The following ITGB2 variants were observed in gnomAD, a reference collection of about 807,000 sequenced individuals.
ITGB2 encodes integrin beta-2.
Under a neutral mutation model 86.8 loss-of-function variants are expected in ITGB2, and 56 were observed. The observed-to-expected ratio is 0.65, with a 90% CI of 0.52 to 0.81. The LOEUF (loss-of-function observed/expected upper bound fraction) is 0.81. Among genes scored for constraint, ITGB2 ranks in the 30% least tolerant of loss-of-function variants. The probability of loss-of-function intolerance (pLI) is 0.00; values close to 1 mark genes in which losing one functional copy is unlikely to be tolerated. For missense variants in ITGB2, 948 were observed against 1,061.2 expected (o/e 0.89, Z 1.48); for synonymous variants, 457 against 450.4 (o/e 1.01, Z -0.19).
rs374118227 is a variant in ITGB2 at position 44,910,388 on chromosome 21, G to A, written c.59-16C>T. Reference sequence around the variant, plus strand: ...TGAGAGAGGACTGAGGGACGAGGCCGGCTGGTGAGTGGGTGCTCTGGGCCG... The same window carrying A: ...TGAGAGAGGACTGAGGGACGAGGCCAGCTGGTGAGTGGGTGCTCTGGGCCG... On this transcript the variant is annotated splice_polypyrimidine_tract_variant and intron_variant, in intron 2 of 15. Transcript: ENST00000652462. 6.0e-5 allele frequency: 97 copies of A among 1,614,056 alleles called. No homozygotes were observed. The East Asian group carries it at 9.1e-4, about 15-fold the overall frequency.
At chr21:44,893,769 A>G in intron 9 of ITGB2, 1 of 565,018 alleles carries the variant, frequency 1.8e-6, no homozygotes. Context: ...GCATGGAGCC[A>G]GGGTGTGAGC....
upstream of ITGB2, among the ~76,000 whole-genome samples, chr21:44,922,346 T>C (rs1375127150): frequency 6.6e-6 from 1 of 152,010 alleles, no homozygotes; most frequent in Non-Finnish European, 1.5e-5. Flanking sequence ...AAAAATAGCA[T>C]GTATATACCT....
At chr21:44,918,526 G>A (rs1465910177) in intron 1 of ITGB2, among the ~76,000 whole-genome samples, 4 of 152,212 alleles carry the variant, frequency 2.6e-5, no homozygotes, top group African/African-American at 9.7e-5. Flanking sequence ...TTCACAGATG[G>A]GGAAACTGAG....
At position 44,927,452 on chromosome 21, in the gene ITGB2, G is replaced by A. The variant is rs73906948; in HGVS notation, c.-4+1202C>T. 8.3e-4 allele frequency among the ~76,000 whole-genome samples: 126 copies of A among 152,076 alleles called. 1 individual carries two copies. The highest frequency in any genetic ancestry group is 2.9e-3 in the African/African-American group (121 of 41,482). On this transcript the variant is annotated intron_variant, in intron 1 of 15. Transcript: ENST00000355153. The stretch of plus-strand genomic sequence containing the variant: ...CTTCCTGCCTGGAGAGCACCCCCAC[G>A]AGGACCCTGGGGCCACCCGGGAACC...
upstream of ITGB2, among the ~76,000 whole-genome samples, chr21:44,925,364 G>A (rs972242578): frequency 2.7e-5 from 4 of 148,142 alleles, no homozygotes; most frequent in African/African-American, 9.9e-5. Flanking sequence ...CTCCAGCCTG[G>A]GTGACAGAGT....
At chr21:44,914,442 C>T (rs1211888255) in intron 1 of ITGB2, among the ~76,000 whole-genome samples, 10 of 152,160 alleles carry the variant, frequency 6.6e-5, no homozygotes, top group African/African-American at 2.2e-4. Context: ...CCTCAGGGGC[C>T]GGGCGCCCTT....
In ITGB2 at chr21:44,910,770, G is replaced by C. The variant is rs61737078; in HGVS notation, c.13C>G (p.Arg5Gly). 4.3e-6 allele frequency: 7 copies of C among 1,613,516 alleles called. No individual in the cohort carries two copies. In the South Asian group the frequency reaches 5.5e-5, roughly 13 times the overall value. ...CCCACCAGGGCGAGCAGTGGGGGGC[G>C]CAGGCCCAGCATGTCCTGTGGAGGG... is the stretch of plus-strand genomic sequence containing the variant. The part of the protein sequence containing the change: MLGL[R>G]PPLLALVGLL... The change falls in exon 2 of 16, where the codon CGC becomes GGC. Residue 5 changes from arginine (R) to glycine (G), a missense_variant. Coordinates refer to ENST00000652462, the MANE Select transcript of ITGB2 (RefSeq NM_000211.5).
chr21:44,904,041 G>A (rs1008547261), intron 4 of ITGB2, among the ~76,000 whole-genome samples: 14 of 152,164 alleles, frequency 9.2e-5, no homozygotes, highest in African/African-American at 3.1e-4. Flanking sequence ...ACGTGCGGTT[G>A]TGTAGCTGTC....
chr21:44,911,048 A>G (rs970694145), intron 1 of ITGB2: 1 of 560,340 alleles, frequency 1.8e-6, no homozygotes, highest in South Asian at 2.0e-5. Flanking sequence ...CTGCAGAGGC[A>G]CACAACACAG....
intron 3 of ITGB2, among the ~76,000 whole-genome samples, chr21:44,909,856 T>C (rs887571590): frequency 1.3e-5 from 2 of 152,238 alleles, no homozygotes; most frequent in Non-Finnish European, 2.9e-5. Flanking sequence ...GCCCCTGGAT[T>C]CTGATAAGGG....
At chr21:44,894,639 C>A (rs1409842254) in intron 9 of ITGB2, 1 of 390,190 alleles carries the variant, frequency 2.6e-6, no homozygotes, top group Non-Finnish European at 4.9e-6. Context: ...GTGGCCTCCT[C>A]CTGCCCCAGC....
chr21:44,891,265 G>T (rs2083782090), intron 11 of ITGB2, among the ~76,000 whole-genome samples: 1 of 152,186 alleles, frequency 6.6e-6, no homozygotes, highest in South Asian at 2.1e-4. Context: ...GCCCACGCCT[G>T]GCAGGGGGTG....
chr21:44,895,704 G>C (rs2083854675), intron 8 of ITGB2, among the ~76,000 whole-genome samples: 1 of 151,276 alleles, frequency 6.6e-6, no homozygotes, highest in Non-Finnish European at 1.5e-5. Flanking sequence ...AGCTGGGCGT[G>C]GTGGTGGGCA....
intron 1 of ITGB2, among the ~76,000 whole-genome samples, chr21:44,914,503 G>A (rs1362714778): frequency 1.3e-5 from 2 of 152,222 alleles, no homozygotes; most frequent in Non-Finnish European, 2.9e-5. Flanking sequence ...ACTTCACGGT[G>A]AGCAAAGCTC....
At chr21:44,928,302 A>G (rs1464555830) in intron 1 of ITGB2, 4 of 152,242 alleles carry the variant, frequency 2.6e-5, no homozygotes, top group Admixed American at 2.6e-4. Context: ...AAGATGCTCA[A>G]TGTTCAAAGG....
intron 11 of ITGB2, 76 bp from the exon 12 acceptor site, chr21:44,890,298 G>C: frequency 6.3e-7 from 1 of 1,585,184 alleles, no homozygotes; most frequent in African/African-American, 1.3e-5. Context: ...TGTCCTCCAG[G>C]CCCCTTGCCC....
intron 14 of ITGB2, among the ~76,000 whole-genome samples, chr21:44,887,763 G>A (rs557610131): frequency 2.0e-5 from 3 of 152,318 alleles, no homozygotes; most frequent in Admixed American, 6.5e-5. Flanking sequence ...AAAGTGGCCC[G>A]CAGGGGTTCC....
At position 44,928,606 on chromosome 21, in the gene ITGB2, AGGGTCGGGTCGGGTC is replaced by A. The variant is rs559441888; in HGVS notation, c.-4+33_-4+47del. 419 of 134,692 alleles carry A rather than the reference AGGGTCGGGTCGGGTC, an allele frequency of 3.1e-3. 2 individuals are homozygous for A. Among genetic ancestry groups the A allele is most frequent in the Non-Finnish European group, 4.5e-3 (288 of 63,482 alleles). The allele number at this position is 134,692 out of a possible 1,614,324, so 8.3% of individuals were successfully genotyped here. ...AACTGACCAGAGAGCAGGGCTCCCGAGGGTCGGGTCGGGTCGGGTCGGGTTGGGTCGGGTGGGTGC... is the reference window on the plus strand; with the variant it reads ...AACTGACCAGAGAGCAGGGCTCCCGAGGGTCGGGTTGGGTCGGGTGGGTGC... On this transcript the variant is annotated intron_variant, in intron 1 of 15. Coordinates refer to the ITGB2 transcript ENST00000355153.
rs941245531 is a variant in ITGB2 at position 44,916,216 on chromosome 21, C to T, written c.-4+4605G>A. Among the ~76,000 whole-genome samples, 31 of 152,066 alleles carry T rather than the reference C, an allele frequency of 2.0e-4. 1 individual carries two copies. Among genetic ancestry groups the T allele is most frequent in the African/African-American group, 6.3e-4 (26 of 41,400 alleles). ...GATTACAGGCGTGAGCCACTGCGCCCGGCCTGATAGCACAAATTTTAAAGG... is the reference window on the plus strand; with the variant it reads ...GATTACAGGCGTGAGCCACTGCGCCTGGCCTGATAGCACAAATTTTAAAGG... On this transcript the variant is annotated intron_variant, in intron 1 of 15. Transcript: ENST00000652462.
Sources: gnomAD v4.1 joint callset for allele counts (sites outside exome capture counted in the v4.1 genomes callset) on GRCh38, gnomAD v4.1.1 for gene constraint, MANE v1.5 for transcripts, NCBI Gene and HGNC (gene_info 2026-07-23, HGNC 2026-07-21) for gene names.